The following TENM3 variants were observed in gnomAD, a reference collection of about 807,000 sequenced individuals.
TENM3 encodes teneurin-3.
In TENM3, 63 loss-of-function variants were observed where a neutral mutation model predicts 255.1. The observed-to-expected ratio is 0.25, with a 90% CI of 0.20 to 0.30. TENM3 has a LOEUF of 0.30. Among genes scored for constraint, TENM3 ranks in the 10% least tolerant of loss-of-function variants. The probability of loss-of-function intolerance (pLI) is 1.00; values close to 1 mark genes in which losing one functional copy is unlikely to be tolerated. For synonymous variants in TENM3, 1,306 were observed against 1,322.3 expected (o/e 0.99, Z 0.27); for missense variants, 2,929 against 3,461.1 (o/e 0.85, Z 3.86).
At chr4:182,503,642 A>T (rs1726405699) in intron 3 of TENM3, among the ~76,000 whole-genome samples, 1 of 152,152 alleles carries the variant, frequency 6.6e-6, no homozygotes. Context: ...TTTCTGGATT[A>T]GATGGTTTTC....
chr4:182,387,832 A>G (rs1768080878), intron 3 of TENM3, among the ~76,000 whole-genome samples: 1 of 151,938 alleles, frequency 6.6e-6, no homozygotes. Flanking sequence ...TAAGAGCTGT[A>G]ACACTCACTG....
At chr4:182,605,246 A>G (rs1392163345) in intron 4 of TENM3, among the ~76,000 whole-genome samples, 1 of 152,176 alleles carries the variant, frequency 6.6e-6, no homozygotes, top group Non-Finnish European at 1.5e-5. Flanking sequence ...ATACAACTTC[A>G]AGTAAAATAT....
the TENM3 span, among the ~76,000 whole-genome samples, chr4:181,475,999 T>C: frequency 1.3e-5 from 2 of 152,196 alleles, no homozygotes; most frequent in African/African-American, 4.8e-5. Flanking sequence ...GAAGTCAGAA[T>C]GGTGCTGACT....
chr4:182,023,994 A>G, the TENM3 span, among the ~76,000 whole-genome samples: 2 of 152,196 alleles, frequency 1.3e-5, no homozygotes, highest in African/African-American at 4.8e-5. Context: ...GTGTCAAGCT[A>G]TTTCATTCCG....
upstream of TENM3, among the ~76,000 whole-genome samples, chr4:182,242,721 A>G (rs1757361549): frequency 6.6e-6 from 1 of 152,192 alleles, no homozygotes; most frequent in Admixed American, 6.5e-5. Flanking sequence ...AGATTGCGCC[A>G]GTGCACTCCA....
the TENM3 span, among the ~76,000 whole-genome samples, chr4:182,066,494 G>A: frequency 1.3e-5 from 2 of 151,776 alleles, no homozygotes; most frequent in African/African-American, 4.8e-5. Context: ...ATTAGGGAAC[G>A]AATTTAAGAA....
At chr4:181,549,887 G>A in the TENM3 span, among the ~76,000 whole-genome samples, 1 of 152,076 alleles carries the variant, frequency 6.6e-6, no homozygotes, top group African/African-American at 2.4e-5. Context: ...GAATTTCTCT[G>A]ATTCTGGTAC....
chr4:182,061,795 CA>C, the TENM3 span, among the ~76,000 whole-genome samples: 3 of 147,610 alleles, frequency 2.0e-5, no homozygotes, highest in African/African-American at 5.0e-5. Flanking sequence ...ACCATCTCTA[CA>C]AAAAAAAAAT....
At chr4:181,599,946 C>A in the TENM3 span, among the ~76,000 whole-genome samples, 3 of 152,154 alleles carry the variant, frequency 2.0e-5, no homozygotes, top group Admixed American at 6.5e-5. Flanking sequence ...AGTTCCTTCC[C>A]TGTATCCCAG....
chr4:182,598,753 G>T (rs1655395822), intron 3 of TENM3, among the ~76,000 whole-genome samples: 1 of 152,012 alleles, frequency 6.6e-6, no homozygotes, highest in South Asian at 2.1e-4. Context: ...TGAATGAGTG[G>T]GTGCATTTCA....
chr4:181,866,961 G>A, the TENM3 span, among the ~76,000 whole-genome samples: 1 of 152,048 alleles, frequency 6.6e-6, no homozygotes, highest in African/African-American at 2.4e-5. Context: ...TCTGAAACTT[G>A]AAGTTTTGTT....
intron 3 of TENM3, among the ~76,000 whole-genome samples, chr4:182,450,397 G>C (rs1238733906): frequency 4.0e-5 from 6 of 151,742 alleles, no homozygotes; most frequent in Non-Finnish European, 7.4e-5. Flanking sequence ...ACATTGTTTT[G>C]TTTTTGTTTT....
At chr4:182,280,916 G>T (rs1453372766) in intron 1 of TENM3, among the ~76,000 whole-genome samples, 1 of 152,232 alleles carries the variant, frequency 6.6e-6, no homozygotes, top group Non-Finnish European at 1.5e-5. Flanking sequence ...GGAGCCTCGA[G>T]AAGCAGAGTT....
the TENM3 span, among the ~76,000 whole-genome samples, chr4:181,493,820 G>T: frequency 2.0e-5 from 3 of 151,948 alleles, no homozygotes; most frequent in African/African-American, 7.3e-5. Context: ...TTTGACATTC[G>T]CCTACGTACC....
At chr4:182,629,003 G>A in intron 5 of TENM3, 114 bp downstream of exon 5, 10 of 675,016 alleles carry the variant, frequency 1.5e-5, no homozygotes, top group Non-Finnish European at 2.2e-5. Flanking sequence ...ATTTGGTGGG[G>A]GTGAGTTTGG....
chr4:181,587,416 C>A, the TENM3 span, among the ~76,000 whole-genome samples: 21 of 152,270 alleles, frequency 1.4e-4, no homozygotes, highest in South Asian at 3.9e-3. Flanking sequence ...TCTTTGGTGC[C>A]AAGTCCAGAA....
At chr4:182,732,987 A>G (rs1248827011) in intron 16 of TENM3, among the ~76,000 whole-genome samples, 3 of 152,252 alleles carry the variant, frequency 2.0e-5, no homozygotes, top group African/African-American at 7.2e-5. Context: ...AGAACAAAGC[A>G]GTAAACCACT....
chr4:182,630,059 T>A (rs1266021459), intron 5 of TENM3, among the ~76,000 whole-genome samples: 1 of 152,204 alleles, frequency 6.6e-6, no homozygotes, highest in Non-Finnish European at 1.5e-5. Context: ...GATTACATGC[T>A]GCTTATCTTC....
intron 3 of TENM3, among the ~76,000 whole-genome samples, chr4:182,426,362 T>C (rs1290292062): frequency 6.6e-6 from 1 of 152,140 alleles, no homozygotes; most frequent in Non-Finnish European, 1.5e-5. Context: ...GTATATGCTA[T>C]ACTAGAAAAA....
Sources: gnomAD v4.1 joint callset for allele counts (sites outside exome capture counted in the v4.1 genomes callset) on GRCh38, gnomAD v4.1.1 for gene constraint, MANE v1.5 for transcripts, NCBI Gene and HGNC (gene_info 2026-07-23, HGNC 2026-07-21) for gene names.